Variants in SOX6 observed in about 807,000 individuals in gnomAD.
SOX6 encodes transcription factor SOX-6.
Under a neutral mutation model 97.8 loss-of-function variants are expected in SOX6, and 11 were observed. The ratio of observed to expected loss-of-function variants is 0.11; its 90% confidence interval spans 0.07 to 0.19. SOX6 has a LOEUF of 0.19. Ranked by LOEUF, SOX6 falls within the 10% of genes least tolerant of loss-of-function variation. SOX6 has a pLI of 1.00. For synonymous variants in SOX6, 360 were observed against 371.4 expected (o/e 0.97, Z 0.35); for missense variants, 810 against 1,039.5 (o/e 0.78, Z 3.04).
intron 2 of SOX6, among the ~76,000 whole-genome samples, chr11:16,338,798 A>T (rs141005492): frequency 5.9e-4 from 90 of 152,110 alleles, no homozygotes; most frequent in African/African-American, 2.0e-3. Flanking sequence ...ACTATCATAA[A>T]CCACATTTAA....
chr11:16,505,420 G>A (rs764852775), intron 4 of SOX6, among the ~76,000 whole-genome samples: 16 of 152,090 alleles, frequency 1.1e-4, no homozygotes, highest in Admixed American at 2.0e-4. Flanking sequence ...TGCTTCCAAC[G>A]GCATATGTTT....
chr11:16,253,032 CA>C (rs1312003131), intron 3 of SOX6, among the ~76,000 whole-genome samples: 2 of 151,932 alleles, frequency 1.3e-5, no homozygotes, highest in African/African-American at 4.8e-5. Context: ...TAAGACATAC[CA>C]AAAGGCAAAA....
At chr11:16,096,683 C>T (rs1187393582) in intron 8 of SOX6, among the ~76,000 whole-genome samples, 1 of 151,660 alleles carries the variant, frequency 6.6e-6, no homozygotes. Context: ...AGACTAGCAA[C>T]ACAAAAATAA....
intron 4 of SOX6, among the ~76,000 whole-genome samples, chr11:16,556,150 T>C (rs977321246): frequency 6.6e-6 from 1 of 151,676 alleles, no homozygotes; most frequent in Non-Finnish European, 1.5e-5. Context: ...CAGTAACACA[T>C]TCAAGTTGCC....
intron 1 of SOX6, among the ~76,000 whole-genome samples, chr11:16,362,279 C>A (rs1363092167): frequency 6.6e-6 from 1 of 152,114 alleles, no homozygotes; most frequent in Non-Finnish European, 1.5e-5. Context: ...AAAGAATCTC[C>A]ACATTTCCCC....
chr11:16,645,900 G>C (rs546349691), intron 3 of SOX6: 12 of 152,044 alleles, frequency 7.9e-5, no homozygotes, highest in African/African-American at 2.9e-4. Context: ...AATATACTTA[G>C]TGAACAAGTG....
rs1564873497 is a variant in SOX6, at chr11:16,706,468, AAAAATATATATATATATATATATATAT to A, written n.429+8335_429+8361del. Among the ~76,000 whole-genome samples, 6 of 25,996 alleles carry A rather than the reference AAAAATATATATATATATATATATATAT, an allele frequency of 2.3e-4. 2 individuals carry two copies. Among genetic ancestry groups the A allele is most frequent in the African/African-American group, 5.4e-4 (3 of 5,562 alleles). 17.1% of individuals were successfully genotyped at this position (25,996 alleles called of 152,430 possible). On this transcript the variant is annotated intron_variant and non_coding_transcript_variant, in intron 3 of 5. Coordinates refer to the SOX6 transcript ENST00000524520. Reference sequence around the variant, plus strand: ...CTATCACAAAAAAAAAAAAAAAAAAAAAAATATATATATATATATATATATATATATATATATATATATATATATATA... The same window carrying A: ...CTATCACAAAAAAAAAAAAAAAAAAAATATATATATATATATATATATATA...
intron 1 of SOX6, among the ~76,000 whole-genome samples, chr11:16,380,168 T>C (rs1369945521): frequency 6.6e-6 from 1 of 151,982 alleles, no homozygotes; most frequent in Non-Finnish European, 1.5e-5. Flanking sequence ...TATCTGTTAC[T>C]TTTATAGTAA....
At chr11:16,460,396 C>A (rs1008257219) in intron 1 of SOX6, among the ~76,000 whole-genome samples, 1 of 151,914 alleles carries the variant, frequency 6.6e-6, no homozygotes, top group African/African-American at 2.4e-5. Context: ...CACCTCATGT[C>A]CAGAAGATCT....
chr11:16,028,317 C>CAA (rs1348318440), intron 12 of SOX6, among the ~76,000 whole-genome samples: 4 of 152,120 alleles, frequency 2.6e-5, no homozygotes, highest in Non-Finnish European at 2.9e-5. Flanking sequence ...GGCTGCACAA[C>CAA]TTGTTTGAAG....
intron 6 of SOX6, among the ~76,000 whole-genome samples, chr11:16,120,057 T>C (rs1398997357): frequency 6.6e-6 from 1 of 151,484 alleles, no homozygotes; most frequent in Non-Finnish European, 1.5e-5. Context: ...AATCTTTGCT[T>C]GCTTCTGTTT....
intron 3 of SOX6, among the ~76,000 whole-genome samples, chr11:16,245,663 A>G (rs1041174197): frequency 6.6e-6 from 1 of 151,726 alleles, no homozygotes; most frequent in African/African-American, 2.4e-5. Context: ...TTCTTGGTTA[A>G]TTGAACCTTT....
intron 3 of SOX6, among the ~76,000 whole-genome samples, chr11:16,693,528 T>C (rs1346922805): frequency 6.6e-6 from 1 of 152,140 alleles, no homozygotes; most frequent in Non-Finnish European, 1.5e-5. Context: ...AATTTATCTT[T>C]TAATTTTAGG....
intron 6 of SOX6, among the ~76,000 whole-genome samples, chr11:16,114,365 A>G (rs548393549): frequency 6.6e-6 from 1 of 152,156 alleles, no homozygotes; most frequent in South Asian, 2.1e-4. Context: ...CTATTTCTTC[A>G]TGTAAAAACT....
intron 3 of SOX6, among the ~76,000 whole-genome samples, chr11:16,640,116 T>C (rs1848872571): frequency 6.6e-6 from 1 of 152,246 alleles, no homozygotes; most frequent in South Asian, 2.1e-4. Flanking sequence ...GTTTTTAGTA[T>C]GAAGGGCTGT....
intron 13 of SOX6, among the ~76,000 whole-genome samples, chr11:16,007,877 C>T (rs1464264861): frequency 6.6e-6 from 1 of 152,128 alleles, no homozygotes; most frequent in Non-Finnish European, 1.5e-5. Context: ...CCATCGGGAA[C>T]ATATGCTAGC....
At chr11:16,366,369 G>A (rs534919022) in intron 1 of SOX6, among the ~76,000 whole-genome samples, 3 of 152,092 alleles carry the variant, frequency 2.0e-5, no homozygotes, top group East Asian at 3.9e-4. Context: ...GAAACAAATC[G>A]CACATATAGA....
intron 4 of SOX6, among the ~76,000 whole-genome samples, chr11:16,533,799 A>G (rs938004491): frequency 3.3e-5 from 5 of 152,116 alleles, no homozygotes; most frequent in African/African-American, 1.2e-4. Flanking sequence ...TAAAATAAAC[A>G]TATATTTCCT....
chr11:16,154,225 C>T (rs1850538017), intron 6 of SOX6, among the ~76,000 whole-genome samples: 2 of 151,912 alleles, frequency 1.3e-5, no homozygotes, highest in Admixed American at 1.3e-4. Flanking sequence ...TAATCAGGAT[C>T]CTAACTAGAG....
Sources: allele counts gnomAD v4.1 joint callset (sites outside exome capture counted in the v4.1 genomes callset), GRCh38; gene constraint gnomAD v4.1.1; transcripts MANE v1.5; gene names NCBI Gene and HGNC (gene_info 2026-07-23, HGNC 2026-07-21).